Variants in OSBPL8 observed in about 807,000 individuals in gnomAD.
OSBPL8 encodes oxysterol binding protein like 8, also known as oxysterol-binding protein-related protein 8.
Under a neutral mutation model 125.5 loss-of-function variants are expected in OSBPL8, and 59 were observed. The ratio of observed to expected loss-of-function variants is 0.47; its 90% CI spans 0.38 to 0.58. OSBPL8 has a LOEUF of 0.58. OSBPL8 is among the 20% of genes least tolerant of loss of function. The pLI is 0.00. For missense variants in OSBPL8, 758 were observed against 1,047.8 expected (o/e 0.72, Z 3.82); for synonymous variants, 330 against 338.9 (o/e 0.97, Z 0.29).
intron 4 of OSBPL8, among the ~76,000 whole-genome samples, chr12:76,423,649 A>G (rs1869784813): frequency 6.6e-6 from 1 of 152,180 alleles, no homozygotes; most frequent in South Asian, 2.1e-4. Flanking sequence ...AATCTTTAAA[A>G]TTCCAAAGAA....
At chr12:76,473,030 T>C (rs1023028486) in intron 2 of OSBPL8, among the ~76,000 whole-genome samples, 5 of 152,082 alleles carry the variant, frequency 3.3e-5, no homozygotes, top group Admixed American at 2.6e-4. Flanking sequence ...AACGGGCGTC[T>C]TTCCAGATGC....
At position 76,503,162 on chromosome 12, in the gene OSBPL8, C is replaced by T. The variant is rs551145193; in HGVS notation, c.-67-15544G>A. ...ATTAACTATTGTATTAATTTTCTAG[C>T]GTTGCCATAATAAAATACGACAAAC... is the stretch of plus-strand genomic sequence containing the variant. On this transcript the variant is annotated intron_variant, in intron 1 of 23. Coordinates refer to ENST00000261183, the MANE Select transcript of OSBPL8 (RefSeq NM_020841.5). Among the ~76,000 whole-genome samples the T allele has an allele frequency of 6.6e-5, 10 of 152,274 alleles. No homozygotes were observed. The South Asian group carries it at 1.7e-3, about 25-fold the overall frequency.
In OSBPL8 at chr12:76,356,721, T is replaced by C; in HGVS notation, c.2442A>G (p.Ser814=). ...IQDSSGSEAQ[S]VKPSTRRKKG... is the part of the protein sequence containing the mutation. The stretch of plus-strand genomic sequence containing the variant: ...TCTTTCTTCTTGTACTTGGTTTTAC[T>C]GATTGAGCTAAAAAGACATTTAGAA... The change falls in exon 23 of 24, where the codon TCA becomes TCG. Residue 814 remains serine, a synonymous_variant. Transcript: ENST00000261183. 1 of 1,595,874 alleles carries C rather than the reference T, an allele frequency of 6.3e-7. No individual in the cohort carries two copies. Among genetic ancestry groups the C allele is most frequent in the Non-Finnish European group, 8.6e-7 (1 of 1,166,854 alleles).
intron 1 of OSBPL8, among the ~76,000 whole-genome samples, chr12:76,530,950 A>C (rs963298354): frequency 6.6e-6 from 1 of 152,244 alleles, no homozygotes; most frequent in East Asian, 1.9e-4. Context: ...CTATAGACAT[A>C]ATAAATTGCC....
At chr12:76,552,302 TGTA>T (rs1277059456) in intron 1 of OSBPL8, among the ~76,000 whole-genome samples, 5 of 151,756 alleles carry the variant, frequency 3.3e-5, no homozygotes, top group Non-Finnish European at 5.9e-5. Flanking sequence ...GGCACATCCC[TGTA>T]GTACCAGCTA....
At chr12:76,511,629 C>T (rs1015904344) in intron 1 of OSBPL8, among the ~76,000 whole-genome samples, 2 of 152,134 alleles carry the variant, frequency 1.3e-5, no homozygotes, top group Admixed American at 6.5e-5. Context: ...TATTAGACCT[C>T]TGTGAGGTAC....
intron 1 of OSBPL8, among the ~76,000 whole-genome samples, chr12:76,494,652 G>A (rs1298888857): frequency 1.3e-5 from 2 of 152,190 alleles, no homozygotes; most frequent in Admixed American, 1.3e-4. Flanking sequence ...TAGATTTCTG[G>A]CTCAAATGAC....
intron 19 of OSBPL8, 169 bp downstream of exon 19, chr12:76,371,279 T>G: frequency 1.6e-6 from 1 of 639,508 alleles, no homozygotes; most frequent in Non-Finnish European, 2.3e-6. Context: ...CGATTTATAT[T>G]ATATTTGACA....
intron 15 of OSBPL8, among the ~76,000 whole-genome samples, chr12:76,380,075 C>A (rs755046094): frequency 1.8e-4 from 28 of 152,198 alleles, no homozygotes; most frequent in Admixed American, 3.3e-4. Flanking sequence ...CAGTGAAAGA[C>A]CTTTCTTGTT....
chr12:76,523,412 A>C, intron 1 of OSBPL8, among the ~76,000 whole-genome samples: 1 of 152,310 alleles, frequency 6.6e-6, no homozygotes, highest in South Asian at 2.1e-4. Context: ...TAGAGCACTT[A>C]AACAACAGGT....
intron 1 of OSBPL8, among the ~76,000 whole-genome samples, chr12:76,488,149 GA>G (rs1878355752): frequency 6.6e-6 from 1 of 151,996 alleles, no homozygotes; most frequent in Admixed American, 6.6e-5. Flanking sequence ...TAAATCTGAT[GA>G]AAAAAACTAG....
Position 76,369,719 on chromosome 12 carries a change from G to T in OSBPL8, c.2158C>A (p.Arg720=). Residue 720 remains arginine, a synonymous_variant, in exon 20 of 24, where the codon CGG becomes AGG. Coordinates refer to ENST00000261183, the MANE Select transcript of OSBPL8 (RefSeq NM_020841.5). ...EEAQRQAARD[R]KTKNEEWSCK... ...GACCACTCTTCATTTTTTGTTTTCC[G>T]ATCCCTGGCAGCTTGTCTTTGAGCT... 1 of 1,613,484 alleles carries T rather than the reference G, an allele frequency of 6.2e-7. No homozygotes were observed. The highest frequency in any genetic ancestry group is 8.5e-7 in the Non-Finnish European group (1 of 1,179,664).
At chr12:76,420,125 C>T (rs1004729807) in intron 4 of OSBPL8, among the ~76,000 whole-genome samples, 19 of 152,002 alleles carry the variant, frequency 1.2e-4, no homozygotes, top group African/African-American at 2.9e-4. Flanking sequence ...TTTTATGTTG[C>T]GTCAGTCTTA....
intron 1 of OSBPL8, among the ~76,000 whole-genome samples, chr12:76,511,229 C>G (rs7305363): frequency 0.51 from 77,308 of 151,950 alleles, 21,438 homozygotes; most frequent in African/African-American, 0.72. Flanking sequence ...CTTTATGGTA[C>G]AGTGATTTAT....
At chr12:76,437,371 T>G (rs1871593656) in intron 4 of OSBPL8, among the ~76,000 whole-genome samples, 1 of 152,220 alleles carries the variant, frequency 6.6e-6, no homozygotes, top group African/African-American at 2.4e-5. Flanking sequence ...TACTATTTGG[T>G]GATTAACTAC....
At chr12:76,541,236 T>C (rs1480154543) in intron 1 of OSBPL8, among the ~76,000 whole-genome samples, 1 of 152,170 alleles carries the variant, frequency 6.6e-6, no homozygotes, top group African/African-American at 2.4e-5. Flanking sequence ...CCCAGCACTT[T>C]AGGAGGCCGA....
chr12:76,420,477 AG>A (rs1430938916), intron 4 of OSBPL8, among the ~76,000 whole-genome samples: 1 of 152,102 alleles, frequency 6.6e-6, no homozygotes, highest in Non-Finnish European at 1.5e-5. Context: ...CTATGGGTAC[AG>A]GGGCAGGGGT....
At chr12:76,462,435 A>C (rs1592724431) in intron 2 of OSBPL8, among the ~76,000 whole-genome samples, 1 of 152,180 alleles carries the variant, frequency 6.6e-6, no homozygotes, top group South Asian at 2.1e-4. Flanking sequence ...TGAGGCACTG[A>C]ACAATAATCA....
At chr12:76,390,378 G>A in intron 11 of OSBPL8, 42 bp downstream of exon 11, 1 of 1,365,726 alleles carries the variant, frequency 7.3e-7, no homozygotes, top group East Asian at 2.3e-5. Context: ...GAATTCCCAA[G>A]AATATGAAAA....
Sources: allele counts gnomAD v4.1 joint callset (sites outside exome capture counted in the v4.1 genomes callset), GRCh38; gene constraint gnomAD v4.1.1; transcripts MANE v1.5; gene names NCBI Gene and HGNC (gene_info 2026-07-23, HGNC 2026-07-21).